The following TSC22D4 variants were observed in gnomAD, a reference collection of about 807,000 sequenced individuals.
The protein encoded by TSC22D4 is TSC22 domain family member 4.
TSC22D4 carries 5 observed loss-of-function variants against 24.9 expected under a neutral mutation model. The ratio of observed to expected loss-of-function variants is 0.20; its 90% CI spans 0.10 to 0.42. The LOEUF (loss-of-function observed/expected upper bound fraction) is 0.42. TSC22D4 is among the 10% of genes least tolerant of loss of function. TSC22D4 has a pLI of 1.00. For missense variants in TSC22D4, 469 were observed against 547.9 expected (o/e 0.86, Z 1.44); for synonymous variants, 245 against 243.2 (o/e 1.01, Z -0.07).
rs777868526 is a variant in TSC22D4, at chr7:100,467,687, C to T, written c.930-87G>A. The T allele has an allele frequency of 2.6e-5, 33 of 1,271,336 alleles. No individual in the cohort carries two copies. In the East Asian group the frequency reaches 7.4e-4, roughly 29 times the overall value. 78.8% of individuals were successfully genotyped at this position (1,271,336 alleles called of 1,614,324 possible). A position where few individuals can be genotyped will look rare whatever the true frequency, so the allele number is the denominator to read the frequency against. ...GGACCACAGCCTCCCGCCCACACCCCCCTGTACCTGTGACAGTAGAGAATG... is the reference window on the plus strand; with the variant it reads ...GGACCACAGCCTCCCGCCCACACCCTCCTGTACCTGTGACAGTAGAGAATG... On this transcript the variant is annotated intron_variant, in intron 3 of 4. Coordinates refer to ENST00000300181, the MANE Select transcript of TSC22D4 (RefSeq NM_030935.5).
Position 100,474,259 on chromosome 7 carries a change from A to C in TSC22D4, c.929+15T>G, listed in dbSNP as rs1026432848. 1.2e-6 allele frequency: 2 copies of C among 1,611,834 alleles called. No individual in the cohort carries two copies. The highest frequency in any genetic ancestry group is 2.7e-5 in the African/African-American group (2 of 74,988). Reference sequence around the variant, plus strand: ...CCTGAACCCCACGCCCCACCACCCCACGAAGCCCACCTACCTATCATCGTC... The same window carrying C: ...CCTGAACCCCACGCCCCACCACCCCCCGAAGCCCACCTACCTATCATCGTC... On this transcript the variant is annotated intron_variant, in intron 3 of 4. Transcript: ENST00000300181. This position sits in a 1 kb window ranked among gnomAD's most constrained non-coding sequence, Gnocchi z 4.3.
In TSC22D4 at chr7:100,474,465, T is replaced by C; in HGVS notation, c.763-25A>G. Reference sequence around the variant, plus strand: ...CCTGGAGGCGGAGAGGTAGGAACCATCACATGAAAAGAGAAAAGAAAGGAA... The same window carrying C: ...CCTGGAGGCGGAGAGGTAGGAACCACCACATGAAAAGAGAAAAGAAAGGAA... On this transcript the variant is annotated intron_variant, in intron 2 of 4. Coordinates refer to ENST00000300181, the MANE Select transcript of TSC22D4 (RefSeq NM_030935.5). This position sits in a 1 kb window ranked among gnomAD's most constrained non-coding sequence, Gnocchi z 4.3. 1 of 1,612,510 alleles carries C rather than the reference T, an allele frequency of 6.2e-7. No individual in the cohort carries two copies. The highest frequency in any genetic ancestry group is 8.5e-7 in the Non-Finnish European group (1 of 1,179,468).
At chr7:100,475,706 G>A (rs1325730548) in intron 2 of TSC22D4, among the ~76,000 whole-genome samples, 17 of 151,708 alleles carry the variant, frequency 1.1e-4, no homozygotes, top group Admixed American at 1.1e-3. Flanking sequence ...GCTGGGGGGA[G>A]GCGGAGCCTG....
chr7:100,467,931 T>G, intron 3 of TSC22D4: 1 of 543,430 alleles, frequency 1.8e-6, no homozygotes, highest in Non-Finnish European at 3.6e-6. Context: ...CAGAGACCCC[T>G]GGCTGGGCCA....
chr7:100,468,031 G>C (rs1487893539), intron 3 of TSC22D4: 1 of 451,320 alleles, frequency 2.2e-6, no homozygotes, highest in South Asian at 1.6e-5. Context: ...CCCCCGGGCA[G>C]AGCAGGGTCT....
At position 100,477,989 on chromosome 7, in the gene TSC22D4, G is replaced by A. The variant is rs760069676; in HGVS notation, c.50C>T (p.Thr17Met). The A allele has an allele frequency of 4.0e-5, 64 of 1,587,044 alleles. No individual in the cohort carries two copies. Among genetic ancestry groups the A allele is most frequent in the Admixed American group, 7.3e-5 (4 of 54,900 alleles). Reference protein sequence around the residue: ...KSSFQITSVTTDYEGPGSPGA... With the variant: ...KSSFQITSVTMDYEGPGSPGA... Reference sequence around the variant, plus strand: ...TGGGCTCCCAGGGCCCTCATAGTCCGTGGTGACGCTGGTGATTTGGAAACT... The same window carrying A: ...TGGGCTCCCAGGGCCCTCATAGTCCATGGTGACGCTGGTGATTTGGAAACT... The change falls in exon 2 of 5, where the codon ACG becomes ATG. Residue 17 changes from threonine to methionine, a missense_variant. Thr to Met is a moderately conservative substitution (Grantham distance 81). Transcript: ENST00000300181. This position sits in a 1 kb window ranked among gnomAD's most constrained non-coding sequence, Gnocchi z 7.8.
intron 3 of TSC22D4, among the ~76,000 whole-genome samples, chr7:100,472,548 T>C (rs1213101364): frequency 6.6e-6 from 1 of 152,016 alleles, no homozygotes; most frequent in Non-Finnish European, 1.5e-5. Flanking sequence ...GGGAGTCCTC[T>C]TGCCGGGGAA....
At chr7:100,478,656 G>C (rs1471088235) in intron 1 of TSC22D4, 138 bp downstream of exon 1, 2 of 152,754 alleles carry the variant, frequency 1.3e-5, no homozygotes, top group African/African-American at 4.8e-5. Context: ...CCAGGCTGAA[G>C]CAGCTCCCCA....
intron 3 of TSC22D4, among the ~76,000 whole-genome samples, chr7:100,470,489 A>C (rs1482613263): frequency 6.6e-6 from 1 of 152,150 alleles, no homozygotes; most frequent in African/African-American, 2.4e-5. Context: ...AGCCTCCGGC[A>C]AAATGGGGTT....
At position 100,477,684 on chromosome 7, in the gene TSC22D4, C is replaced by T. The variant is rs757363435; in HGVS notation, c.355G>A (p.Ala119Thr). The T allele has an allele frequency of 2.3e-5, 37 of 1,592,330 alleles. No individual in the cohort carries two copies. Among genetic ancestry groups the T allele is most frequent in the African/African-American group, 1.1e-4 (8 of 74,892 alleles). ...LEGIRGASGG[A>T]GGRSLDSRLE... ...CTGGAATCCAAAGATCTGCCCCCGG[C>T]GCCCCCTGAGGCCCCTCGAATTCCC... The change falls in exon 2 of 5, where the codon GCC becomes ACC. Residue 119 changes from alanine (A) to threonine (T), a missense_variant. Transcript: ENST00000300181. This position sits in a 1 kb window ranked among gnomAD's most constrained non-coding sequence, Gnocchi z 7.8.
chr7:100,476,767 A>C (rs1035355869), intron 2 of TSC22D4, among the ~76,000 whole-genome samples: 1 of 152,204 alleles, frequency 6.6e-6, no homozygotes, highest in Non-Finnish European at 1.5e-5. Context: ...GCTTACAGCA[A>C]AGCTGGAGGC....
Position 100,478,232 on chromosome 7 carries a change from A to T in TSC22D4, c.-194T>A. ...GGGTGAGGGGAGAAGAGGAGAGGGG[A>T]GGTGGCGGGAGGGGGGAGCAGGGGC... is the stretch of plus-strand genomic sequence containing the variant. On this transcript the variant is annotated 5_prime_UTR_variant, in exon 2 of 5. Coordinates refer to ENST00000300181, the MANE Select transcript of TSC22D4 (RefSeq NM_030935.5). 14 of 30,388 alleles carry T rather than the reference A, an allele frequency of 4.6e-4. No individual in the cohort carries two copies. The highest frequency in any genetic ancestry group is 1.4e-3 in the East Asian group (2 of 1,472). The allele number at this position is 30,388 out of a possible 1,614,324, so 1.9% of individuals were successfully genotyped here.
intron 3 of TSC22D4, chr7:100,473,769 T>TA (rs386360021): frequency 0.16 from 10,662 of 65,610 alleles, 494 homozygotes; most frequent in East Asian, 0.24. Context: ...TATATATATA[T>TA]TTTTTTTTTC....
At chr7:100,475,805 C>T (rs1263087932) in intron 2 of TSC22D4, among the ~76,000 whole-genome samples, 1 of 151,436 alleles carries the variant, frequency 6.6e-6, no homozygotes, top group Non-Finnish European at 1.5e-5. Context: ...CTCTGTGAGG[C>T]CCCGGGAGGC....
chr7:100,475,333 C>T lies in TSC22D4; in HGVS notation c.763-893G>A, dbSNP rs190397472. 1.7e-3 allele frequency among the ~76,000 whole-genome samples: 263 copies of T among 152,164 alleles called. 1 individual carries two copies. Among genetic ancestry groups the T allele is most frequent in the African/African-American group, 5.8e-3 (241 of 41,518 alleles). ...AACTCCTGACCTCAAGTGATCTGCCCGCCTCGGCCTCCCAAAATGCTGGGA... is the reference window on the plus strand; with the variant it reads ...AACTCCTGACCTCAAGTGATCTGCCTGCCTCGGCCTCCCAAAATGCTGGGA... On this transcript the variant is annotated intron_variant, in intron 2 of 4. Coordinates refer to ENST00000300181, the MANE Select transcript of TSC22D4 (RefSeq NM_030935.5).
chr7:100,477,358 G>A lies in TSC22D4; in HGVS notation c.681C>T (p.Ala227=). The A allele has an allele frequency of 1.9e-6, 3 of 1,581,780 alleles. No individual in the cohort carries two copies. Among genetic ancestry groups the A allele is most frequent in the Non-Finnish European group, 2.6e-6 (3 of 1,164,704 alleles). Residue 227 remains alanine (A), a synonymous_variant, in exon 2 of 5, where the codon GCC becomes GCT. Transcript: ENST00000300181. This position sits in a 1 kb window ranked among gnomAD's most constrained non-coding sequence, Gnocchi z 7.8. ...TCCTCCGGGACAGTGGAGGGGTCCT[G>A]GCCCCTGAGCCCCCAGCCTCCGCTT... ...RVEAEAGGSG[A]RTPPLSRRKA... is the part of the protein sequence containing the mutation.
rs1476032896 is a variant in TSC22D4, at chr7:100,474,879, G to A, written c.763-439C>T. On this transcript the variant is annotated intron_variant, in intron 2 of 4. Coordinates refer to ENST00000300181, the MANE Select transcript of TSC22D4 (RefSeq NM_030935.5). The surrounding 1 kb of genome is among the most constrained non-coding windows in gnomAD (Gnocchi z 4.3). Reference sequence around the variant, plus strand: ...TGAAGTGGCACAATCATGGCTCACTGCAGCCTTGAATTCCTGAGCTTAAGC... The same window carrying A: ...TGAAGTGGCACAATCATGGCTCACTACAGCCTTGAATTCCTGAGCTTAAGC... 6.6e-6 allele frequency among the ~76,000 whole-genome samples: 1 copy of A among 152,114 alleles called. No homozygotes were observed. Among genetic ancestry groups the A allele is most frequent in the Non-Finnish European group, 1.5e-5 (1 of 68,014 alleles).
intron 3 of TSC22D4, among the ~76,000 whole-genome samples, chr7:100,473,437 G>GT (rs1170911186): frequency 2.0e-5 from 3 of 151,418 alleles, no homozygotes; most frequent in African/African-American, 4.9e-5. Flanking sequence ...TTCTTTTTCA[G>GT]TTTTTTTTGT....
rs1206309374 is a variant in TSC22D4 at position 100,477,820 on chromosome 7, C to G, written c.219G>C (p.Arg73=). 1 of 1,606,528 alleles carries G rather than the reference C, an allele frequency of 6.2e-7. No homozygotes were observed. Among genetic ancestry groups the G allele is most frequent in the Admixed American group, 1.7e-5 (1 of 59,672 alleles). ...CCAGGCCGTGGGGCAGCTTCACCAC[C>G]CGGAAACGGGAGGAAGGGGCCCCAG... ...PPPGAPSSRF[R]VVKLPHGLGE... The change falls in exon 2 of 5, where the codon CGG becomes CGC. Residue 73 remains arginine (R), a synonymous_variant. Transcript: ENST00000300181. This position sits in a 1 kb window ranked among gnomAD's most constrained non-coding sequence, Gnocchi z 7.8.
Sources: allele counts gnomAD v4.1 joint callset (sites outside exome capture counted in the v4.1 genomes callset), GRCh38; gene constraint gnomAD v4.1.1; non-coding constraint Gnocchi (gnomAD v3.1); transcripts MANE v1.5; gene names NCBI Gene and HGNC (gene_info 2026-07-23, HGNC 2026-07-21).